Variants in RASL11B observed in about 807,000 individuals in gnomAD.
The protein encoded by RASL11B is RAS like family 11 member B.
A neutral mutation model predicts 22.9 loss-of-function variants in RASL11B; 14 were observed. The observed-to-expected ratio is 0.61, with a 90% CI of 0.40 to 0.96. RASL11B has a LOEUF of 0.96. RASL11B is among the 40% of genes least tolerant of loss of function. The probability of loss-of-function intolerance (pLI) is 0.00; values close to 1 mark genes in which losing one functional copy is unlikely to be tolerated. For synonymous variants in RASL11B, 143 were observed against 130.2 expected, an observed-to-expected ratio of 1.10 and a Z score of -0.67; for missense variants, 261 against 322.0, an observed-to-expected ratio of 0.81 and a Z score of 1.45.
At position 52,865,569 on chromosome 4, in the gene RASL11B, GCCA is replaced by G; in HGVS notation, c.512_514del (p.Ala171_Ser172delinsGly). The stretch of plus-strand genomic sequence containing the variant: ...TGACCCTCAGCTTGGACTGCAGCTA[GCCA>G]GCATGCTAGGCTGCTCATTCTATGA... On this transcript the variant is annotated inframe_deletion, in exon 4 of 4. Transcript: ENST00000248706. 6.2e-7 allele frequency: 1 copy of G among 1,614,128 alleles called. No individual in the cohort carries two copies. Among genetic ancestry groups the G allele is most frequent in the Non-Finnish European group, 8.5e-7 (1 of 1,179,970 alleles).
chr4:52,863,635 T>C (rs892598784), intron 2 of RASL11B: 3 of 280,274 alleles, frequency 1.1e-5, no homozygotes, highest in Non-Finnish European at 6.8e-6. Flanking sequence ...AAAACACTCC[T>C]GCAAAAGTCG....
In RASL11B at chr4:52,862,668, CCCTG is replaced by C; in HGVS notation, c.142+20_142+23del. ...AAGACCGGTGAGTCGTCGCGCTTAG[CCCTG>C]GGTCTGGTCTTGGACGACCCCTGAC... On this transcript the variant is annotated intron_variant, in intron 1 of 3. Transcript: ENST00000248706. 1 of 1,546,144 alleles carries C rather than the reference CCCTG, an allele frequency of 6.5e-7. No homozygotes were observed. Among genetic ancestry groups the C allele is most frequent in the Non-Finnish European group, 8.6e-7 (1 of 1,156,334 alleles).
At chr4:52,863,218 A>G (rs1027925895) in intron 1 of RASL11B, 50 bp from the exon 2 acceptor site, 3 of 1,551,264 alleles carry the variant, frequency 1.9e-6, no homozygotes, top group Non-Finnish European at 2.7e-6. Context: ...GGTGGAGAAC[A>G]ATCTAACTTC....
At position 52,864,435 on chromosome 4, in the gene RASL11B, G is replaced by A. The variant is rs778035017; in HGVS notation, c.200-43G>A. On this transcript the variant is annotated intron_variant, in intron 2 of 3. Coordinates refer to ENST00000248706, the MANE Select transcript of RASL11B (RefSeq NM_023940.3). Reference sequence around the variant, plus strand: ...TAAAACTCACAATGTTTTAAAAGTTGTACAAGAAGGAAGAACATAATCTCT... The same window carrying A: ...TAAAACTCACAATGTTTTAAAAGTTATACAAGAAGGAAGAACATAATCTCT... 3 of 1,251,470 alleles carry A rather than the reference G, an allele frequency of 2.4e-6. No individual in the cohort carries two copies. In the South Asian group the frequency reaches 3.7e-5, roughly 15 times the overall value. The allele number at this position is 1,251,470 out of a possible 1,614,324, so 77.5% of individuals were successfully genotyped here. A position where few individuals can be genotyped will look rare whatever the true frequency, so the allele number is the denominator to read the frequency against.
Position 52,865,800 on chromosome 4 carries a change from G to C in RASL11B, c.742G>C (p.Val248Leu). Reference protein sequence around the residue: ...LSAKVRTVTSV With the variant: ...LSAKVRTVTSL The stretch of plus-strand genomic sequence containing the variant: ...TGCCAAAGTGAGGACTGTCACCTCC[G>C]TCTGAAGCAGGAGGAGCACTCAAGG... Residue 248 changes from valine to leucine, a missense_variant, in exon 4 of 4, where the codon GTC (valine) becomes CTC (leucine). By Grantham distance (32) the Val-to-Leu change is conservative. Transcript: ENST00000248706. 6.2e-7 allele frequency: 1 copy of C among 1,611,792 alleles called. No homozygotes were observed. Among genetic ancestry groups the C allele is most frequent in the Non-Finnish European group, 8.5e-7 (1 of 1,178,528 alleles).
At chr4:52,862,681 C>T (rs1435366063) in intron 1 of RASL11B, 32 bp downstream of exon 1, 3 of 1,516,254 alleles carry the variant, frequency 2.0e-6, no homozygotes, top group Non-Finnish European at 1.8e-6. Flanking sequence ...TGGGTCTGGT[C>T]TTGGACGACC....
intron 3 of RASL11B, among the ~76,000 whole-genome samples, chr4:52,864,845 T>C (rs558166251): frequency 3.3e-5 from 5 of 152,316 alleles, no homozygotes; most frequent in Admixed American, 1.3e-4. Context: ...GGTTTAAAAG[T>C]CCAGTTTTAA....
In RASL11B at chr4:52,862,366, C is replaced by CCCCCCCCCT; in HGVS notation, c.-139_-138insCCCCCTCCC. On this transcript the variant is annotated 5_prime_UTR_variant, in exon 1 of 4. Transcript: ENST00000248706. Reference sequence around the variant, plus strand: ...TGCGGAACCTCGGCGCTCGGCCCCACCCCGCCCGTACCTGCACTTATTTAT... The same window carrying CCCCCCCCCT: ...TGCGGAACCTCGGCGCTCGGCCCCACCCCCCCCCTCCCGCCCGTACCTGCACTTATTTAT... The CCCCCCCCCT allele has an allele frequency of 4.3e-6, 3 of 692,704 alleles. No homozygotes were observed. The highest frequency in any genetic ancestry group is 2.4e-5 in the South Asian group (1 of 42,260). The allele number at this position is 692,704 out of a possible 1,614,324, so 42.9% of individuals were successfully genotyped here.
At chr4:52,864,622 A>T (rs534026554) in intron 3 of RASL11B, 68 bp downstream of exon 3, 919 of 1,023,500 alleles carry the variant, frequency 9.0e-4, no homozygotes, top group Middle Eastern at 1.4e-3. Context: ...ACTTCTTCTC[A>T]AAGTTCCTCA....
chr4:52,862,452 G>A lies in RASL11B; in HGVS notation c.-56G>A. ...GTCCTCCCGCCCGCTCCCGCGCAGC[G>A]CTAGCATTCTCCAGTCCCTCAGTCC... is the stretch of plus-strand genomic sequence containing the variant. On this transcript the variant is annotated 5_prime_UTR_variant, in exon 1 of 4. Transcript: ENST00000248706. The A allele has an allele frequency of 1.9e-6, 3 of 1,558,262 alleles. No individual in the cohort carries two copies. Among genetic ancestry groups the A allele is most frequent in the Non-Finnish European group, 2.6e-6 (3 of 1,154,760 alleles).
intron 1 of RASL11B, among the ~76,000 whole-genome samples, chr4:52,862,974 C>T (rs1028046595): frequency 5.9e-5 from 9 of 152,132 alleles, no homozygotes; most frequent in African/African-American, 1.7e-4. Context: ...CCTGGGAGGT[C>T]TTGAAGGTTA....
rs141815562 is a variant in RASL11B, at chr4:52,865,427, C to T, written c.369C>T (p.Tyr123=). The T allele has an allele frequency of 1.7e-5, 27 of 1,614,082 alleles. No homozygotes were observed. Among genetic ancestry groups the T allele is most frequent in the African/African-American group, 8.0e-5 (6 of 74,942 alleles). Residue 123 remains tyrosine, a synonymous_variant, in exon 4 of 4, where the codon TAC becomes TAT. Transcript: ENST00000248706. ...TGATCGTTTTCTCCATCACTGACTA[C>T]AAGAGCTATGAACTCATCAGCCAGC... is the stretch of plus-strand genomic sequence containing the variant. ...AVVIVFSITD[Y]KSYELISQLH... is the part of the protein sequence containing the mutation.
chr4:52,865,636 C>T lies in RASL11B; in HGVS notation c.578C>T (p.Ala193Val), dbSNP rs150715841. The T allele has an allele frequency of 5.6e-5, 91 of 1,614,182 alleles. No homozygotes were observed. The African/African-American group carries it at 1.0e-3, about 18-fold the overall frequency. Residue 193 changes from alanine (A) to valine (V), a missense_variant, in exon 4 of 4, where the codon GCC becomes GTC. Physicochemically the swap from Ala to Val is moderately conservative, Grantham distance 64. Transcript: ENST00000248706. ...GAAAATTATAATGATGTCTACAGCGCCTTCCACGTCCTCTGTAAAGAGGTC... is the reference window on the plus strand; with the variant it reads ...GAAAATTATAATGATGTCTACAGCGTCTTCCACGTCCTCTGTAAAGAGGTC... The part of the protein sequence containing the change: ...VSENYNDVYS[A>V]FHVLCKEVSH...
chr4:52,863,814 G>A (rs77657787), intron 2 of RASL11B, among the ~76,000 whole-genome samples: 14,503 of 152,178 alleles, frequency 0.095, 893 homozygotes, highest in Middle Eastern at 0.15. Context: ...ATTTTAGGAG[G>A]AGAATTCCCG....
chr4:52,863,070 C>T (rs1224723192), intron 1 of RASL11B, among the ~76,000 whole-genome samples, 198 bp from the exon 2 acceptor site: 5 of 152,106 alleles, frequency 3.3e-5, no homozygotes, highest in African/African-American at 2.4e-5. Context: ...TCCAGCTGCA[C>T]AGAGCCATAA....
chr4:52,864,672 C>T, intron 3 of RASL11B, 118 bp downstream of exon 3: 1 of 744,350 alleles, frequency 1.3e-6, no homozygotes, highest in Non-Finnish European at 2.4e-6. Flanking sequence ...CACATCTAGA[C>T]TTTTACATGT....
rs538717766 is a variant in RASL11B, at chr4:52,862,338, C to A, written c.-170C>A. 395 of 644,620 alleles carry A rather than the reference C, an allele frequency of 6.1e-4. 5 individuals carry two copies. The African/African-American group carries it at 7.0e-3, about 11-fold the overall frequency. 39.9% of individuals were successfully genotyped at this position (644,620 alleles called of 1,614,324 possible). A position where few individuals can be genotyped will look rare whatever the true frequency, so the allele number is the denominator to read the frequency against. ...GTGCAGTCTGGGTCTGGAGCCTGAG[C>A]CCTGCGGAACCTCGGCGCTCGGCCC... On this transcript the variant is annotated 5_prime_UTR_variant, in exon 1 of 4. Coordinates refer to ENST00000248706, the MANE Select transcript of RASL11B (RefSeq NM_023940.3).
intron 3 of RASL11B, 95 bp from the exon 4 acceptor site, chr4:52,865,240 A>G (rs1718234459): frequency 1.0e-6 from 1 of 974,778 alleles, no homozygotes; most frequent in Non-Finnish European, 1.5e-6. Context: ...ACCTGGCACT[A>G]CTATGAAGGG....
In RASL11B at chr4:52,862,511, C is replaced by T; in HGVS notation, c.4C>T (p.Arg2Cys). 1.9e-6 allele frequency: 3 copies of T among 1,602,972 alleles called. No individual in the cohort carries two copies. Among genetic ancestry groups the T allele is most frequent in the Non-Finnish European group, 2.6e-6 (3 of 1,175,830 alleles). Residue 2 changes from arginine (R) to cysteine (C), a missense_variant, in exon 1 of 4, where the codon CGC becomes TGC. By Grantham distance (180) the Arg-to-Cys change is radical. Transcript: ENST00000248706. ...GCGGTGCGCCGCAGCCGAGGCGATGCGCCTCATTCAGAACATGTGCACCAT... is the reference window on the plus strand; with the variant it reads ...GCGGTGCGCCGCAGCCGAGGCGATGTGCCTCATTCAGAACATGTGCACCAT... M[R>C]LIQNMCTIAE...
Sources: gnomAD v4.1 joint callset for allele counts (sites outside exome capture counted in the v4.1 genomes callset) on GRCh38, gnomAD v4.1.1 for gene constraint, MANE v1.5 for transcripts, NCBI Gene and HGNC (gene_info 2026-07-23, HGNC 2026-07-21) for gene names.